STRN: variants seen among roughly 807,000 people sequenced by gnomAD.
STRN encodes striatin, also known as protein phosphatase 2 regulatory subunit B'''alpha.
STRN carries 53 observed loss-of-function variants against 96.3 expected under a neutral mutation model. The observed-to-expected ratio is 0.55, with a 90% CI of 0.44 to 0.69. The LOEUF (loss-of-function observed/expected upper bound fraction) is 0.69, where lower values mean the gene tolerates loss of function less well. Ranked by LOEUF, STRN falls within the 30% of genes least tolerant of loss-of-function variation. The pLI is 0.00. For missense variants in STRN, 987 were observed against 963.9 expected (o/e 1.02, Z -0.32); for synonymous variants, 428 against 355.9 (o/e 1.20, Z -2.28).
chr2:36,866,769 G>A (rs886672416), intron 12 of STRN, among the ~76,000 whole-genome samples: 5 of 152,072 alleles, frequency 3.3e-5, no homozygotes, highest in Non-Finnish European at 5.9e-5. Flanking sequence ...ATCCTTTATT[G>A]TCATGTAATG....
chr2:36,931,737 A>G (rs1670579159), intron 1 of STRN, among the ~76,000 whole-genome samples: 1 of 152,236 alleles, frequency 6.6e-6, no homozygotes, highest in Non-Finnish European at 1.5e-5. Context: ...ATAAAAATAA[A>G]CACAAAAAGC....
Position 36,849,626 on chromosome 2 carries a change from C to T in STRN, c.2174-1G>A. 1 of 1,612,184 alleles carries T rather than the reference C, an allele frequency of 6.2e-7. No individual in the cohort carries two copies. Among genetic ancestry groups the T allele is most frequent in the Non-Finnish European group, 8.5e-7 (1 of 1,179,574 alleles). Reference sequence around the variant, plus strand: ...CATAAACGTATTGAACAGTCATGACCTATATCCAAAAAAAAAATTAAAAGG... The same window carrying T: ...CATAAACGTATTGAACAGTCATGACTTATATCCAAAAAAAAAATTAAAAGG... On this transcript the variant is annotated splice_acceptor_variant, in intron 17 of 17. Coordinates refer to ENST00000263918, the MANE Select transcript of STRN (RefSeq NM_003162.4). LOFTEE classifies it high-confidence loss of function.
At chr2:36,939,093 C>G (rs1445419369) in intron 1 of STRN, among the ~76,000 whole-genome samples, 1 of 151,926 alleles carries the variant, frequency 6.6e-6, no homozygotes. Flanking sequence ...TCAAGTGATT[C>G]TCCTGCCTCA....
intron 3 of STRN, among the ~76,000 whole-genome samples, chr2:36,907,398 C>T (rs1007780609): frequency 1.3e-5 from 2 of 151,996 alleles, no homozygotes; most frequent in African/African-American, 4.8e-5. Flanking sequence ...AAATACAAAA[C>T]CTTAGCCAGG....
chr2:36,838,172 T>C lies in STRN; in HGVS notation c.*11284A>G, dbSNP rs1044779953. Among the ~76,000 whole-genome samples, 6 of 152,198 alleles carry C rather than the reference T, an allele frequency of 3.9e-5. No homozygotes were observed. The highest frequency in any genetic ancestry group is 1.9e-4 in the East Asian group (1 of 5,202). Reference sequence around the variant, plus strand: ...ATAATTTGATGCACCCTGGCAAGCTTTGAAGGTGGAAGGGACCACGTGCAA... The same window carrying C: ...ATAATTTGATGCACCCTGGCAAGCTCTGAAGGTGGAAGGGACCACGTGCAA... On this transcript the variant is annotated 3_prime_UTR_variant, in exon 18 of 18. Transcript: ENST00000263918.
chr2:36,875,907 T>C (rs1668896356), intron 10 of STRN, among the ~76,000 whole-genome samples: 1 of 152,154 alleles, frequency 6.6e-6, no homozygotes, highest in African/African-American at 2.4e-5. Context: ...TCTGCCCGCC[T>C]CGGCCTCCCA....
chr2:36,906,696 C>A (rs552754976), intron 3 of STRN, among the ~76,000 whole-genome samples: 1 of 151,312 alleles, frequency 6.6e-6, no homozygotes, highest in Non-Finnish European at 1.5e-5. Context: ...GAGGCCGAAG[C>A]GGGTGGATCA....
chr2:36,921,130 C>T (rs1351893574), intron 2 of STRN, among the ~76,000 whole-genome samples: 6 of 152,028 alleles, frequency 3.9e-5, no homozygotes, highest in Non-Finnish European at 8.8e-5. Flanking sequence ...CTTCATCCTT[C>T]TCAGCCCTCG....
At chr2:36,966,206 C>T (rs1006616606) in intron 1 of STRN, 24 bp downstream of exon 1, 14 of 1,524,638 alleles carry the variant, frequency 9.2e-6, no homozygotes, top group African/African-American at 2.8e-5. Context: ...GGGATGAAGA[C>T]GGCCAGGCCG....
At chr2:36,886,569 T>G in intron 8 of STRN, 147 bp downstream of exon 8, 1 of 587,900 alleles carries the variant, frequency 1.7e-6, no homozygotes, top group South Asian at 2.7e-5. Flanking sequence ...ATCATTTAAT[T>G]TCAACCCCTG....
At chr2:36,914,680 T>C (rs1268582589) in intron 3 of STRN, among the ~76,000 whole-genome samples, 2 of 152,158 alleles carry the variant, frequency 1.3e-5, no homozygotes, top group Non-Finnish European at 2.9e-5. Flanking sequence ...GGAAAGTTCT[T>C]TCATACACTG....
chr2:36,902,490 G>T, intron 5 of STRN, 94 bp downstream of exon 5: 1 of 911,836 alleles, frequency 1.1e-6, no homozygotes, highest in Non-Finnish European at 1.6e-6. Context: ...TTATTTCTAT[G>T]TCACTACCTA....
chr2:36,871,955 G>C (rs539297957), intron 10 of STRN, among the ~76,000 whole-genome samples: 1 of 152,200 alleles, frequency 6.6e-6, no homozygotes, highest in Non-Finnish European at 1.5e-5. Context: ...AGGAACTACT[G>C]TAACTACTGG....
rs569578391 is a variant in STRN at position 36,932,752 on chromosome 2, T to C, written c.235-7544A>G. ...ACCTCTGAAATGCTATAGGAGATACTGGTATATTCTTTCAAAAGCAATCTC... is the reference window on the plus strand; with the variant it reads ...ACCTCTGAAATGCTATAGGAGATACCGGTATATTCTTTCAAAAGCAATCTC... On this transcript the variant is annotated intron_variant, in intron 1 of 17. Transcript: ENST00000263918. Among the ~76,000 whole-genome samples the C allele has an allele frequency of 3.9e-5, 6 of 152,276 alleles. No individual in the cohort carries two copies. The South Asian group carries it at 1.2e-3, about 32-fold the overall frequency.
At chr2:36,948,081 CTTTTTTTTTTTTTTTTTTTTTTTTTT>C (rs553351693) in intron 1 of STRN, among the ~76,000 whole-genome samples, 23 of 68,112 alleles carry the variant, frequency 3.4e-4, no homozygotes, top group Non-Finnish European at 5.8e-4. Flanking sequence ...TCAGTGCACT[CTTTTTTTTTTTTTTTTTTTTTTTTTT>C]TTTTTTTTTT....
At chr2:36,893,205 A>G (rs1300144147) in intron 7 of STRN, among the ~76,000 whole-genome samples, 1 of 152,224 alleles carries the variant, frequency 6.6e-6, no homozygotes, top group African/African-American at 2.4e-5. Context: ...GCCTGTATAA[A>G]AAGTCAATAT....
At chr2:36,887,886 T>C (rs1424835549) in intron 7 of STRN, among the ~76,000 whole-genome samples, 2 of 152,338 alleles carry the variant, frequency 1.3e-5, no homozygotes, top group South Asian at 2.1e-4. Context: ...TATATAATGC[T>C]ATGTAAATGT....
intron 16 of STRN, among the ~76,000 whole-genome samples, chr2:36,850,723 G>A (rs1340974645): frequency 6.6e-6 from 1 of 152,076 alleles, no homozygotes; most frequent in Non-Finnish European, 1.5e-5. Flanking sequence ...GTATTTGAGT[G>A]AACTTTTCCT....
chr2:36,961,981 G>A (rs1035821800), intron 1 of STRN, among the ~76,000 whole-genome samples: 1 of 152,134 alleles, frequency 6.6e-6, no homozygotes, highest in African/African-American at 2.4e-5. Flanking sequence ...TAGCTCGAAT[G>A]GCATCTTATC....
Sources: gnomAD v4.1 joint callset for allele counts (sites outside exome capture counted in the v4.1 genomes callset) on GRCh38, gnomAD v4.1.1 for gene constraint, MANE v1.5 for transcripts, NCBI Gene and HGNC (gene_info 2026-07-23, HGNC 2026-07-21) for gene names.